SPATA16: variants seen among roughly 807,000 people sequenced by gnomAD.
The protein encoded by SPATA16 is spermatogenesis-associated protein 16.
SPATA16 carries 36 observed loss-of-function variants against 63.3 expected under a neutral mutation model. The ratio of observed to expected loss-of-function variants is 0.57; its 90% CI spans 0.44 to 0.75. SPATA16 has a LOEUF of 0.75. Ranked by LOEUF, SPATA16 falls within the 30% of genes least tolerant of loss-of-function variation. The probability of loss-of-function intolerance (pLI) is 0.00; values close to 1 mark genes in which losing one functional copy is unlikely to be tolerated. For missense variants in SPATA16, 646 were observed against 679.3 expected, an observed-to-expected ratio of 0.95 and a Z score of 0.54; for synonymous variants, 203 against 216.7, an observed-to-expected ratio of 0.94 and a Z score of 0.56.
intron 3 of SPATA16, among the ~76,000 whole-genome samples, chr3:173,038,510 T>C (rs968835335): frequency 6.6e-6 from 1 of 152,088 alleles, no homozygotes; most frequent in African/African-American, 2.4e-5. Flanking sequence ...ATCAGCTCTC[T>C]ATGTTTCCCT....
At chr3:173,123,793 G>A (rs1233378803) in intron 1 of SPATA16, among the ~76,000 whole-genome samples, 1 of 151,588 alleles carries the variant, frequency 6.6e-6, no homozygotes, top group Non-Finnish European at 1.5e-5. Context: ...TAATAGATGC[G>A]GGATTTCACC....
intron 5 of SPATA16, among the ~76,000 whole-genome samples, chr3:172,960,881 C>T (rs1733736993): frequency 6.8e-6 from 1 of 146,918 alleles, no homozygotes; most frequent in African/African-American, 2.7e-5. Flanking sequence ...TTCTCTCTTT[C>T]TTTCTCTCTC....
chr3:173,001,733 C>T (rs1577126451), intron 4 of SPATA16, among the ~76,000 whole-genome samples: 1 of 152,086 alleles, frequency 6.6e-6, no homozygotes, highest in African/African-American at 2.4e-5. Context: ...TCTGTCTCTC[C>T]AATTTTGGGG....
chr3:172,988,978 A>G (rs1414631770), intron 4 of SPATA16, among the ~76,000 whole-genome samples: 1 of 152,312 alleles, frequency 6.6e-6, no homozygotes, highest in Non-Finnish European at 1.5e-5. Context: ...GCTAATTTTT[A>G]TGAGTTACAT....
At chr3:173,136,983 T>C (rs1738563344) in intron 1 of SPATA16, among the ~76,000 whole-genome samples, 1 of 152,190 alleles carries the variant, frequency 6.6e-6, no homozygotes, top group Non-Finnish European at 1.5e-5. Context: ...AAAGAACCCA[T>C]TTAAAAACAC....
chr3:173,020,439 T>TG (rs1304522828), intron 3 of SPATA16, among the ~76,000 whole-genome samples: 3 of 152,168 alleles, frequency 2.0e-5, no homozygotes, highest in Non-Finnish European at 4.4e-5. Context: ...ACCCTTTTGT[T>TG]AAGGCCTTTC....
intron 2 of SPATA16, among the ~76,000 whole-genome samples, chr3:173,105,809 C>CTTCT (rs1737607777): frequency 6.7e-6 from 1 of 150,296 alleles, no homozygotes; most frequent in African/African-American, 2.5e-5. Context: ...CCCTTCCTCC[C>CTTCT]TTCCTTCCTT....
In SPATA16 at chr3:172,945,276, T is replaced by C. The variant is rs377639698; in HGVS notation, c.1081+11401A>G. Among the ~76,000 whole-genome samples, 15 of 152,252 alleles carry C rather than the reference T, an allele frequency of 9.9e-5. 2 individuals carry two copies. The highest frequency in any genetic ancestry group is 3.3e-4 in the Admixed American group (5 of 15,298). The stretch of plus-strand genomic sequence containing the variant: ...TCTTTCTGAAGACAACTAATATTCC[T>C]TGAAGAAATCTAAAAAGTAGATTTT... On this transcript the variant is annotated intron_variant, in intron 6 of 10. Coordinates refer to ENST00000351008, the MANE Select transcript of SPATA16 (RefSeq NM_031955.6).
intron 4 of SPATA16, among the ~76,000 whole-genome samples, chr3:173,008,269 A>G (rs1734988143): frequency 6.6e-6 from 1 of 152,084 alleles, no homozygotes; most frequent in South Asian, 2.1e-4. Context: ...ATATTTATTT[A>G]CAAAAATTTG....
At chr3:173,137,954 T>G (rs1026348968) in intron 1 of SPATA16, among the ~76,000 whole-genome samples, 1 of 151,982 alleles carries the variant, frequency 6.6e-6, no homozygotes, top group Non-Finnish European at 1.5e-5. Context: ...CTGCAATCCT[T>G]TCTTTCTTCA....
intron 9 of SPATA16, among the ~76,000 whole-genome samples, chr3:172,915,113 T>A (rs1049947390): frequency 3.3e-5 from 5 of 152,150 alleles, no homozygotes; most frequent in Non-Finnish European, 4.4e-5. Flanking sequence ...CTGAGTGCCT[T>A]ATGAATGGCA....
chr3:173,117,374 T>A lies in SPATA16; in HGVS notation c.358A>T (p.Ile120Leu). The A allele has an allele frequency of 3.7e-6, 6 of 1,614,198 alleles. No homozygotes were observed. Among genetic ancestry groups the A allele is most frequent in the Non-Finnish European group, 4.2e-6 (5 of 1,180,010 alleles). ...MPLPHIPLKN[I>L]MDVEMKLVYI... ...ACCAACTTCATTTCCACATCCATTATGTTCTTTAAGGGGATGTGAGGCAGA... is the reference window on the plus strand; with the variant it reads ...ACCAACTTCATTTCCACATCCATTAAGTTCTTTAAGGGGATGTGAGGCAGA... The change falls in exon 2 of 11, where the codon ATA becomes TTA. Residue 120 changes from isoleucine to leucine, a missense_variant. Transcript: ENST00000351008.
chr3:173,066,070 TG>T (rs1266412892), intron 2 of SPATA16, among the ~76,000 whole-genome samples: 1 of 151,970 alleles, frequency 6.6e-6, no homozygotes, highest in East Asian at 1.9e-4. Flanking sequence ...TCCTTCCACT[TG>T]GGGGAAGGAG....
At chr3:173,104,465 G>A (rs1302149130) in intron 2 of SPATA16, among the ~76,000 whole-genome samples, 2 of 152,152 alleles carry the variant, frequency 1.3e-5, no homozygotes, top group Non-Finnish European at 2.9e-5. Flanking sequence ...CAGGAAATAT[G>A]GTGCTGGAAT....
intron 4 of SPATA16, among the ~76,000 whole-genome samples, chr3:172,999,247 T>C (rs1001531504): frequency 6.6e-6 from 1 of 152,244 alleles, no homozygotes; most frequent in African/African-American, 2.4e-5. Flanking sequence ...TCAGATTGTC[T>C]ATTTCTTCTT....
At chr3:173,129,227 T>C (rs1738307014) in intron 1 of SPATA16, among the ~76,000 whole-genome samples, 1 of 152,194 alleles carries the variant, frequency 6.6e-6, no homozygotes, top group Admixed American at 6.5e-5. Context: ...CCATTTTTCT[T>C]GGGAGGACGT....
chr3:172,933,793 C>A (rs1334717868), intron 6 of SPATA16, among the ~76,000 whole-genome samples: 1 of 152,114 alleles, frequency 6.6e-6, no homozygotes, highest in Non-Finnish European at 1.5e-5. Flanking sequence ...CCACTTGAAA[C>A]CAAAGATTCC....
intron 4 of SPATA16, among the ~76,000 whole-genome samples, chr3:172,983,294 C>T (rs1488944316): frequency 6.6e-6 from 1 of 151,838 alleles, no homozygotes; most frequent in Admixed American, 6.6e-5. Context: ...ATTAATTAAC[C>T]CCAGTTGCTT....
chr3:173,082,625 A>T (rs1736951596), intron 2 of SPATA16, among the ~76,000 whole-genome samples: 2 of 152,194 alleles, frequency 1.3e-5, no homozygotes, highest in Admixed American at 1.3e-4. Flanking sequence ...AGGGAATTCG[A>T]GTATCCCTGG....
Sources: allele counts gnomAD v4.1 joint callset (sites outside exome capture counted in the v4.1 genomes callset), GRCh38; gene constraint gnomAD v4.1.1; transcripts MANE v1.5; gene names NCBI Gene and HGNC (gene_info 2026-07-23, HGNC 2026-07-21).